ZSCAN25: variants seen among roughly 807,000 people sequenced by gnomAD.
ZSCAN25 encodes the protein zinc finger and SCAN domain containing 25.
In ZSCAN25, 27 loss-of-function variants were observed where a neutral mutation model predicts 38.7. The ratio of observed to expected loss-of-function variants is 0.70; its 90% CI spans 0.51 to 0.96. The LOEUF (loss-of-function observed/expected upper bound fraction) is 0.96. ZSCAN25 is among the 40% of genes least tolerant of loss of function. The probability of loss-of-function intolerance (pLI) is 0.00; values close to 1 mark genes in which losing one functional copy is unlikely to be tolerated. For missense variants in ZSCAN25, 637 were observed against 705.9 expected (o/e 0.90, Z 1.11); for synonymous variants, 273 against 277.7 (o/e 0.98, Z 0.17).
chr7:99,664,143 C>G, the ZSCAN25 span: 1 of 1,427,666 alleles, frequency 7.0e-7, no homozygotes, highest in Non-Finnish European at 9.6e-7. Flanking sequence ...AAAATGCAAA[C>G]TTTACCTGGA....
rs767903884 is a variant in ZSCAN25 at position 99,629,879 on chromosome 7, G to A, written c.1494G>A (p.Gly498=). The stretch of plus-strand genomic sequence containing the variant: ...TGTGCGGGAAGCGGTTCAGCAAAGG[G>A]GAGCGGCTGGTCCGACACCAGAGAA... ...CQVCGKRFSK[G]ERLVRHQRIH... The change falls in exon 8 of 8, where the codon GGG becomes GGA. Residue 498 remains glycine (G), a synonymous_variant. Transcript: ENST00000394152. The surrounding 1 kb of genome is among the most constrained non-coding windows in gnomAD (Gnocchi z 5.6). The A allele has an allele frequency of 3.7e-6, 6 of 1,614,126 alleles. No individual in the cohort carries two copies. Among genetic ancestry groups the A allele is most frequent in the Non-Finnish European group, 5.1e-6 (6 of 1,180,042 alleles).
the ZSCAN25 span, chr7:99,647,974 A>G: frequency 1.0e-6 from 1 of 985,344 alleles, no homozygotes; most frequent in Non-Finnish European, 1.2e-6. Flanking sequence ...AAAGTTATGG[A>G]TCAAATTGTT....
chr7:99,667,117 G>T, the ZSCAN25 span: 1 of 1,523,380 alleles, frequency 6.6e-7, no homozygotes, highest in South Asian at 1.2e-5. Flanking sequence ...TGATCTTCAT[G>T]GTTGCACAAA....
chr7:99,665,372 T>C, the ZSCAN25 span: 1 of 1,601,042 alleles, frequency 6.2e-7, no homozygotes. Flanking sequence ...CCTTCCACTA[T>C]ACATGCAGCA....
the ZSCAN25 span, among the ~76,000 whole-genome samples, chr7:99,694,363 T>G: frequency 1.3e-5 from 2 of 152,108 alleles, no homozygotes; most frequent in Non-Finnish European, 2.9e-5. Flanking sequence ...TGTTGTTGAG[T>G]GAGAAAAGGA....
chr7:99,628,807 A>T (rs1807721554), intron 7 of ZSCAN25, among the ~76,000 whole-genome samples: 1 of 152,208 alleles, frequency 6.6e-6, no homozygotes, highest in South Asian at 2.1e-4. Flanking sequence ...GGATGAATGG[A>T]AACAGCATTT....
chr7:99,619,466 A>T (rs1314825816), intron 3 of ZSCAN25, 95 bp from the exon 4 acceptor site: 1 of 1,033,786 alleles, frequency 9.7e-7, no homozygotes, highest in East Asian at 2.4e-5. Context: ...AATGCCTTGT[A>T]AAAGGTAATT....
the ZSCAN25 span, among the ~76,000 whole-genome samples, chr7:99,667,896 A>G: frequency 6.6e-6 from 1 of 152,168 alleles, no homozygotes; most frequent in South Asian, 2.1e-4. Flanking sequence ...AAAAATGCCC[A>G]CTCTCAACAT....
the ZSCAN25 span, among the ~76,000 whole-genome samples, chr7:99,657,834 G>A: frequency 1.9e-4 from 29 of 152,268 alleles, 1 homozygote; most frequent in East Asian, 4.2e-3. Context: ...TTACCATTAT[G>A]TAATGGCCTT....
the ZSCAN25 span, among the ~76,000 whole-genome samples, chr7:99,687,940 G>A: frequency 1.3e-5 from 2 of 152,140 alleles, no homozygotes; most frequent in Admixed American, 6.5e-5. Context: ...AAGTGAAGGA[G>A]AAATAAAATC....
the ZSCAN25 span, chr7:99,650,108 G>A: frequency 5.5e-5 from 88 of 1,614,152 alleles, no homozygotes; most frequent in African/African-American, 9.2e-4. Flanking sequence ...GAGAAGTTCT[G>A]AAGGACTCTG....
the ZSCAN25 span, among the ~76,000 whole-genome samples, chr7:99,649,639 G>C: frequency 1.3e-5 from 2 of 152,160 alleles, no homozygotes; most frequent in African/African-American, 4.8e-5. Context: ...GATGTCACAG[G>C]CATCATGAAT....
chr7:99,633,306 T>C (rs1196471906), downstream of ZSCAN25, among the ~76,000 whole-genome samples: 2 of 152,230 alleles, frequency 1.3e-5, no homozygotes, highest in African/African-American at 2.4e-5. Context: ...ACATGCCCTG[T>C]TTCTCTTCAT....
chr7:99,669,231 G>A, the ZSCAN25 span, among the ~76,000 whole-genome samples: 2 of 152,120 alleles, frequency 1.3e-5, no homozygotes, highest in Admixed American at 6.5e-5. Context: ...TAATTTCCAC[G>A]GAATTTGTGC....
At chr7:99,642,691 A>G in the ZSCAN25 span, among the ~76,000 whole-genome samples, 2 of 152,086 alleles carry the variant, frequency 1.3e-5, no homozygotes, top group Non-Finnish European at 2.9e-5. Context: ...ACGTAGATTT[A>G]TTTTTCTTTG....
At chr7:99,627,986 G>A (rs1046690777) in intron 7 of ZSCAN25, among the ~76,000 whole-genome samples, 8 of 151,820 alleles carry the variant, frequency 5.3e-5, no homozygotes, top group Non-Finnish European at 1.5e-5. Context: ...GTGTGGTGAC[G>A]CACACCTGTA....
chr7:99,661,613 C>G, the ZSCAN25 span, among the ~76,000 whole-genome samples: 4 of 152,208 alleles, frequency 2.6e-5, no homozygotes, highest in African/African-American at 9.7e-5. Flanking sequence ...CTTTAGAGAC[C>G]TGGAGCACAG....
the ZSCAN25 span, among the ~76,000 whole-genome samples, chr7:99,689,347 C>G: frequency 1.3e-5 from 2 of 152,182 alleles, no homozygotes; most frequent in Non-Finnish European, 2.9e-5. Context: ...CACCACCCAT[C>G]CCACAGAAAT....
the ZSCAN25 span, among the ~76,000 whole-genome samples, chr7:99,654,784 G>C: frequency 6.6e-6 from 1 of 152,160 alleles, no homozygotes; most frequent in Non-Finnish European, 1.5e-5. Flanking sequence ...TCTAACTGGC[G>C]TGAGATGGTA....
Sources: allele counts gnomAD v4.1 joint callset (sites outside exome capture counted in the v4.1 genomes callset), GRCh38; gene constraint gnomAD v4.1.1; non-coding constraint Gnocchi (gnomAD v3.1); transcripts MANE v1.5; gene names NCBI Gene and HGNC (gene_info 2026-07-23, HGNC 2026-07-21).